The following ATP2B4 variants were observed in gnomAD, a reference collection of about 807,000 sequenced individuals.
ATP2B4 encodes plasma membrane calcium-transporting ATPase 4.
Under a neutral mutation model 110.3 loss-of-function variants are expected in ATP2B4, and 39 were observed. The ratio of observed to expected loss-of-function variants is 0.35; its 90% CI spans 0.27 to 0.46. ATP2B4 has a LOEUF of 0.46. ATP2B4 is among the 20% of genes least tolerant of loss of function. ATP2B4 has a pLI of 1.00. For synonymous variants in ATP2B4, 538 were observed against 571.7 expected (o/e 0.94, Z 0.84); for missense variants, 1,135 against 1,530.9 (o/e 0.74, Z 4.32).
chr1:203,655,774 T>C (rs1295582784), intron 1 of ATP2B4, among the ~76,000 whole-genome samples: 1 of 152,160 alleles, frequency 6.6e-6, no homozygotes, highest in East Asian at 1.9e-4. Context: ...ACTTTATTGT[T>C]GTCTTATTTG....
intron 2 of ATP2B4, among the ~76,000 whole-genome samples, chr1:203,692,555 A>G (rs1665413831): frequency 6.6e-6 from 1 of 152,174 alleles, no homozygotes; most frequent in African/African-American, 2.4e-5. Flanking sequence ...ACAGCCTTCA[A>G]ATCAACCCAG....
At chr1:203,677,611 C>T (rs1664866682) in intron 1 of ATP2B4, among the ~76,000 whole-genome samples, 1 of 152,182 alleles carries the variant, frequency 6.6e-6, no homozygotes, top group Non-Finnish European at 1.5e-5. Context: ...TACAGGCATT[C>T]ACCACCATGC....
At chr1:203,646,010 T>G (rs571007159) in intron 1 of ATP2B4, among the ~76,000 whole-genome samples, 1 of 152,262 alleles carries the variant, frequency 6.6e-6, no homozygotes, top group Admixed American at 6.5e-5. Flanking sequence ...GTTTTCTCGG[T>G]GTACTTTAAT....
At chr1:203,722,420 A>T (rs1267189779) in intron 17 of ATP2B4, 58 bp from the exon 18 acceptor site, 3 of 1,365,756 alleles carry the variant, frequency 2.2e-6, no homozygotes, top group African/African-American at 2.9e-5. Flanking sequence ...GTACCAACAC[A>T]TTCTTACTCT....
intron 20 of ATP2B4, chr1:203,728,376 T>C: frequency 3.2e-6 from 1 of 313,128 alleles, no homozygotes; most frequent in South Asian, 2.6e-5. Flanking sequence ...GATAATTCTG[T>C]CTTCCCCTGC....
At chr1:203,676,329 G>A (rs1331626142) in intron 1 of ATP2B4, among the ~76,000 whole-genome samples, 4 of 152,162 alleles carry the variant, frequency 2.6e-5, no homozygotes, top group African/African-American at 9.6e-5. Flanking sequence ...CCGGGATTGT[G>A]ATGAGGATGG....
intron 1 of ATP2B4, among the ~76,000 whole-genome samples, chr1:203,662,926 A>G (rs571588509): frequency 1.3e-5 from 2 of 152,278 alleles, no homozygotes; most frequent in South Asian, 4.1e-4. Flanking sequence ...CTTAATGCGC[A>G]TGACATCACC....
At chr1:203,650,364 TGTG>T (rs903834177) in intron 1 of ATP2B4, among the ~76,000 whole-genome samples, 1 of 151,950 alleles carries the variant, frequency 6.6e-6, no homozygotes, top group African/African-American at 2.4e-5. Flanking sequence ...TGTGGTGTGA[TGTG>T]GTGGGGGACA....
At chr1:203,637,323 G>A (rs928597739) in intron 1 of ATP2B4, among the ~76,000 whole-genome samples, 1 of 151,886 alleles carries the variant, frequency 6.6e-6, no homozygotes, top group Non-Finnish European at 1.5e-5. Context: ...CCCAGCTACT[G>A]GGGAGGCTGA....
At position 203,722,489 on chromosome 1, in the gene ATP2B4, T is replaced by C. The variant is rs1034437759; in HGVS notation, c.2824T>C (p.Phe942Leu). ...FILVFAGEKF[F>L]DIDSGRKAPL... is the part of the protein sequence containing the mutation. Reference sequence around the variant, plus strand: ...CCTCTCCCCACTAGGTGAGAAATTCTTTGATATTGATAGTGGGAGGAAGGC... The same window carrying C: ...CCTCTCCCCACTAGGTGAGAAATTCCTTGATATTGATAGTGGGAGGAAGGC... Residue 942 changes from phenylalanine to leucine, a missense_variant, in exon 18 of 21, where the codon TTT becomes CTT. Phe to Leu is a conservative substitution (Grantham distance 22). Around this residue, in one of 9 missense-constraint regions of ATP2B4, gnomAD observed 155 missense variants for 186.2 expected, o/e 0.83. Coordinates refer to ENST00000357681, the MANE Select transcript of ATP2B4 (RefSeq NM_001684.5). The C allele has an allele frequency of 2.5e-6, 4 of 1,613,408 alleles. No individual in the cohort carries two copies. The highest frequency in any genetic ancestry group is 1.7e-5 in the Admixed American group (1 of 60,000).
At chr1:203,732,252 T>C (rs1419050193) in intron 20 of ATP2B4, among the ~76,000 whole-genome samples, 6 of 152,082 alleles carry the variant, frequency 3.9e-5, no homozygotes, top group African/African-American at 1.4e-4. Context: ...CAGAGGCTAC[T>C]TGTGTAAGCC....
At position 203,738,638 on chromosome 1, in the gene ATP2B4, C is replaced by T. The variant is rs201434493; in HGVS notation, c.3310-908C>T. Among the ~76,000 whole-genome samples, 6 of 152,306 alleles carry T rather than the reference C, an allele frequency of 3.9e-5. No homozygotes were observed. In the East Asian group the frequency reaches 1.2e-3, roughly 29 times the overall value. On this transcript the variant is annotated intron_variant, in intron 20 of 20. Coordinates refer to ENST00000357681, the MANE Select transcript of ATP2B4 (RefSeq NM_001684.5). ...CTGGTCCCTTTCATTCCCTTCTCCA[C>T]ATAAGACTATGCTCCTCTTCACAAT...
At chr1:203,681,457 CT>C (rs1665007056) in intron 1 of ATP2B4, among the ~76,000 whole-genome samples, 1 of 152,196 alleles carries the variant, frequency 6.6e-6, no homozygotes. Flanking sequence ...TTGCCACCCC[CT>C]GGTAACTGAA....
chr1:203,740,233 A>C lies in ATP2B4; in HGVS notation c.*379A>C, dbSNP rs535268786. ...TACAAGTCTGTGCCATTTATAAGCTAAGTTGAGGGTTCAGAGGGAGACAAA... is the reference window on the plus strand; with the variant it reads ...TACAAGTCTGTGCCATTTATAAGCTCAGTTGAGGGTTCAGAGGGAGACAAA... On this transcript the variant is annotated 3_prime_UTR_variant, in exon 21 of 21. Coordinates refer to ENST00000357681, the MANE Select transcript of ATP2B4 (RefSeq NM_001684.5). 9.9e-6 allele frequency: 2 copies of C among 201,454 alleles called. No homozygotes were observed. The highest frequency in any genetic ancestry group is 2.0e-5 in the Non-Finnish European group (2 of 97,840). The allele number at this position is 201,454 out of a possible 1,614,324, so 12.5% of individuals were successfully genotyped here.
chr1:203,722,729 G>A, intron 18 of ATP2B4, 40 bp downstream of exon 18: 1 of 1,597,366 alleles, frequency 6.3e-7, no homozygotes, highest in Non-Finnish European at 8.6e-7. Flanking sequence ...GATCTGGAAT[G>A]ATAAAGGGCA....
intron 19 of ATP2B4, among the ~76,000 whole-genome samples, chr1:203,725,677 A>G (rs1215403822): frequency 6.6e-6 from 1 of 151,908 alleles, no homozygotes; most frequent in Non-Finnish European, 1.5e-5. Flanking sequence ...CCACTTTACA[A>G]ACCTCCCTCA....
Position 203,742,894 on chromosome 1 carries a change from C to G in ATP2B4, c.*3040C>G, listed in dbSNP as rs900873644. 2 of 152,474 alleles carry G rather than the reference C, an allele frequency of 1.3e-5. No individual in the cohort carries two copies. Among genetic ancestry groups the G allele is most frequent in the African/African-American group, 2.4e-5 (1 of 41,444 alleles). 9.4% of individuals were successfully genotyped at this position (152,474 alleles called of 1,614,324 possible). ...TCTTATTTGTGATGCCTTCCCTCCCCTAGAAAGATTTTGTGCAATATATTA... is the reference window on the plus strand; with the variant it reads ...TCTTATTTGTGATGCCTTCCCTCCCGTAGAAAGATTTTGTGCAATATATTA... On this transcript the variant is annotated 3_prime_UTR_variant, in exon 21 of 21. Transcript: ENST00000357681.
intron 1 of ATP2B4, among the ~76,000 whole-genome samples, chr1:203,655,551 CAGG>C (rs1664135119): frequency 6.6e-6 from 1 of 151,970 alleles, no homozygotes; most frequent in Non-Finnish European, 1.5e-5. Context: ...AAGGCTGAGG[CAGG>C]AGAATTGCTT....
rs2102247329 is a variant in ATP2B4 at position 203,742,250 on chromosome 1, T to C, written c.*2396T>C. The C allele has an allele frequency of 6.5e-6, 1 of 152,808 alleles. No individual in the cohort carries two copies. Among genetic ancestry groups the C allele is most frequent in the South Asian group, 2.1e-4 (1 of 4,834 alleles). 9.5% of individuals were successfully genotyped at this position (152,808 alleles called of 1,614,324 possible). On this transcript the variant is annotated 3_prime_UTR_variant, in exon 21 of 21. Coordinates refer to ENST00000357681, the MANE Select transcript of ATP2B4 (RefSeq NM_001684.5). Reference sequence around the variant, plus strand: ...CATGACAGGTGACTTAGTATATTTGTAATTGGTTTTAAAACCAATACACCA... The same window carrying C: ...CATGACAGGTGACTTAGTATATTTGCAATTGGTTTTAAAACCAATACACCA...
Sources: allele counts gnomAD v4.1 joint callset (sites outside exome capture counted in the v4.1 genomes callset), GRCh38; gene constraint gnomAD v4.1.1; regional missense constraint gnomAD v4.1.1; transcripts MANE v1.5; gene names NCBI Gene and HGNC (gene_info 2026-07-23, HGNC 2026-07-21).